Variants in ATP8B1 observed in about 807,000 individuals in gnomAD.
ATP8B1 encodes the protein ATPase phospholipid transporting 8B1.
Under a neutral mutation model 149.9 loss-of-function variants are expected in ATP8B1, and 80 were observed. The observed-to-expected ratio is 0.53, with a 90% CI of 0.45 to 0.64. The LOEUF is 0.64. ATP8B1 is among the 30% of genes least tolerant of loss of function. ATP8B1 has a pLI of 0.00. For synonymous variants in ATP8B1, 536 were observed against 562.8 expected, an observed-to-expected ratio of 0.95 and a Z score of 0.67; for missense variants, 1,247 against 1,552.6, an observed-to-expected ratio of 0.80 and a Z score of 3.31.
chr18:57,665,097 C>T (rs139978573), intron 20 of ATP8B1, among the ~76,000 whole-genome samples: 2 of 151,540 alleles, frequency 1.3e-5, no homozygotes, highest in African/African-American at 2.4e-5. Context: ...CCAAAGGGTC[C>T]CTGGAAGGCA....
chr18:57,741,691 G>A (rs544447234), intron 1 of ATP8B1, among the ~76,000 whole-genome samples: 1 of 152,254 alleles, frequency 6.6e-6, no homozygotes, highest in East Asian at 1.9e-4. Context: ...CACAGCAATC[G>A]ACAACCAATA....
chr18:57,797,261 C>T (rs1251376579), intron 1 of ATP8B1, among the ~76,000 whole-genome samples: 1 of 152,190 alleles, frequency 6.6e-6, no homozygotes, highest in Non-Finnish European at 1.5e-5. Flanking sequence ...AAACAAACCG[C>T]AACTCCAGTA....
intron 15 of ATP8B1, among the ~76,000 whole-genome samples, chr18:57,676,765 A>G (rs1265175863): frequency 1.3e-5 from 2 of 151,900 alleles, no homozygotes; most frequent in Non-Finnish European, 2.9e-5. Context: ...GAAACAAACC[A>G]ACCAACCTTA....
intron 1 of ATP8B1, among the ~76,000 whole-genome samples, chr18:57,786,653 C>T (rs182854339): frequency 7.7e-4 from 118 of 152,312 alleles, no homozygotes; most frequent in African/African-American, 2.6e-3. Flanking sequence ...AAGGAAGAGT[C>T]CCTCACTTTG....
chr18:57,725,093 G>GA (rs2079693258), intron 2 of ATP8B1, among the ~76,000 whole-genome samples: 1 of 105,052 alleles, frequency 9.5e-6, no homozygotes, highest in African/African-American at 3.6e-5. Context: ...ACACTCTGGG[G>GA]ACTGTGGTGG....
At chr18:57,769,850 G>C (rs1214144361) in intron 1 of ATP8B1, among the ~76,000 whole-genome samples, 1 of 152,220 alleles carries the variant, frequency 6.6e-6, no homozygotes, top group Non-Finnish European at 1.5e-5. Flanking sequence ...CCAATGCTAT[G>C]TGTCAAGTAC....
chr18:57,697,878 A>C lies in ATP8B1; in HGVS notation c.555-11T>G. On this transcript the variant is annotated splice_polypyrimidine_tract_variant and intron_variant, in intron 6 of 27. Coordinates refer to ENST00000648908, the MANE Select transcript of ATP8B1 (RefSeq NM_001374385.1). Reference sequence around the variant, plus strand: ...TTAGCAACTTTGAACCTAAGGATTAAAAATAATGAGGATTTATTGACATTT... The same window carrying C: ...TTAGCAACTTTGAACCTAAGGATTACAAATAATGAGGATTTATTGACATTT... 6.2e-7 allele frequency: 1 copy of C among 1,601,136 alleles called. No homozygotes were observed. Among genetic ancestry groups the C allele is most frequent in the Non-Finnish European group, 8.6e-7 (1 of 1,168,284 alleles).
At chr18:57,677,412 C>T (rs908039117) in intron 15 of ATP8B1, among the ~76,000 whole-genome samples, 7 of 152,072 alleles carry the variant, frequency 4.6e-5, no homozygotes, top group South Asian at 2.1e-4. Context: ...AAAGCATTTC[C>T]GTGGCCAGAT....
intron 1 of ATP8B1, among the ~76,000 whole-genome samples, chr18:57,734,733 TC>T (rs1412081739): frequency 6.6e-6 from 1 of 152,194 alleles, no homozygotes; most frequent in African/African-American, 2.4e-5. Context: ...CAGGCCATTA[TC>T]TTATGGCTTC....
chr18:57,724,566 A>G (rs913989815), intron 2 of ATP8B1, among the ~76,000 whole-genome samples: 12 of 152,036 alleles, frequency 7.9e-5, no homozygotes, highest in Non-Finnish European at 1.6e-4. Flanking sequence ...ATCTCACACC[A>G]GTTAGAATGG....
At chr18:57,688,711 T>A (rs1912383656) in intron 12 of ATP8B1, 1 of 597,150 alleles carries the variant, frequency 1.7e-6, no homozygotes, top group African/African-American at 1.9e-5. Flanking sequence ...GGTCATTAGG[T>A]CATGAGGGCT....
In ATP8B1 at chr18:57,648,308, C is replaced by T. The variant is rs1248720375; in HGVS notation, c.*180G>A. 1.1e-5 allele frequency: 9 copies of T among 793,450 alleles called. No homozygotes were observed. The Admixed American group carries it at 1.9e-4, about 17-fold the overall frequency. 49.2% of individuals were successfully genotyped at this position (793,450 alleles called of 1,614,324 possible). Reference sequence around the variant, plus strand: ...GCCGAATAATAGGACTTTTAAAAGTCCTATTTCTTGGCTCTGCTATTGTTT... The same window carrying T: ...GCCGAATAATAGGACTTTTAAAAGTTCTATTTCTTGGCTCTGCTATTGTTT... On this transcript the variant is annotated 3_prime_UTR_variant, in exon 28 of 28. Coordinates refer to ENST00000648908, the MANE Select transcript of ATP8B1 (RefSeq NM_001374385.1).
intron 15 of ATP8B1, among the ~76,000 whole-genome samples, chr18:57,681,753 A>T (rs957457589): frequency 2.0e-5 from 3 of 152,054 alleles, no homozygotes; most frequent in Admixed American, 6.6e-5. Flanking sequence ...GTGAGCCGAG[A>T]TCATGCCATT....
intron 24 of ATP8B1, 63 bp from the exon 25 acceptor site, chr18:57,652,792 A>AT: frequency 6.2e-7 from 1 of 1,602,986 alleles, no homozygotes; most frequent in South Asian, 1.1e-5. Context: ...GAGATATGTT[A>AT]TAATTAATAT....
chr18:57,701,414 C>T, intron 4 of ATP8B1, 101 bp from the exon 5 acceptor site: 1 of 1,003,422 alleles, frequency 1.0e-6, no homozygotes, highest in East Asian at 2.5e-5. Context: ...AGTCTCATCA[C>T]CGTCATCACA....
chr18:57,750,011 G>A (rs2080000895), intron 1 of ATP8B1, among the ~76,000 whole-genome samples: 2 of 152,226 alleles, frequency 1.3e-5, no homozygotes, highest in African/African-American at 2.4e-5. Context: ...GGGAGGCCAA[G>A]TTTGGTGGAT....
rs2080159501 is a variant in ATP8B1 at position 57,761,674 on chromosome 18, G to A, written c.-25-29842C>T. Among the ~76,000 whole-genome samples, 4 of 150,952 alleles carry A rather than the reference G, an allele frequency of 2.6e-5. No individual in the cohort carries two copies. The South Asian group carries it at 6.3e-4, about 24-fold the overall frequency. ...CCTATTTTTTTTTTTAATGGACTAG[G>A]CCAGGTACAGTGGCTCACGTCTGTA... On this transcript the variant is annotated intron_variant, in intron 1 of 27. Coordinates refer to ENST00000648908, the MANE Select transcript of ATP8B1 (RefSeq NM_001374385.1).
chr18:57,697,808 T>A lies in ATP8B1; in HGVS notation c.614A>T (p.Asn205Ile). ...TTGTTCACTTACTGGAACAAAATCA[T>A]TTTTTTTCAGACGAATGACGTCTCC... ...QVGDVIRLKK[N>I]DFVPADILLL... Residue 205 changes from asparagine to isoleucine, a missense_variant, in exon 7 of 28, where the codon AAT becomes ATT. Around this residue, in one of 3 missense-constraint regions of ATP8B1, gnomAD observed 853 missense variants for 1,035.7 expected, o/e 0.82. Transcript: ENST00000648908. 1 of 1,612,068 alleles carries A rather than the reference T, an allele frequency of 6.2e-7. No individual in the cohort carries two copies. The highest frequency in any genetic ancestry group is 8.5e-7 in the Non-Finnish European group (1 of 1,178,420).
In ATP8B1 at chr18:57,803,018, G is replaced by A. The variant is rs903436802; in HGVS notation, c.-46C>T. On this transcript the variant is annotated 5_prime_UTR_variant, in exon 1 of 28. Transcript: ENST00000648908. Reference sequence around the variant, plus strand: ...CTTACCTGGCGTTCGCTGGGCCCCGGCTGGGGCATCCGCCTGGTGCGCGCC... The same window carrying A: ...CTTACCTGGCGTTCGCTGGGCCCCGACTGGGGCATCCGCCTGGTGCGCGCC... 3.3e-5 allele frequency: 5 copies of A among 152,034 alleles called. No individual in the cohort carries two copies. Among genetic ancestry groups the A allele is most frequent in the Admixed American group, 2.0e-4 (3 of 15,260 alleles). The allele number at this position is 152,034 out of a possible 1,614,324, so 9.4% of individuals were successfully genotyped here.
Sources: allele counts gnomAD v4.1 joint callset (sites outside exome capture counted in the v4.1 genomes callset), GRCh38; gene constraint gnomAD v4.1.1; regional missense constraint gnomAD v4.1.1; transcripts MANE v1.5; gene names NCBI Gene and HGNC (gene_info 2026-07-23, HGNC 2026-07-21).